PTPRD: variants seen among roughly 807,000 people sequenced by gnomAD.
The protein encoded by PTPRD is protein tyrosine phosphatase receptor type D.
Under a neutral mutation model 214.5 loss-of-function variants are expected in PTPRD, and 34 were observed. The ratio of observed to expected loss-of-function variants is 0.16; its 90% CI spans 0.12 to 0.21. The LOEUF is 0.21. PTPRD is among the 10% of genes least tolerant of loss of function. PTPRD has a pLI of 1.00. For synonymous variants in PTPRD, 1,128 were observed against 845.7 expected, an observed-to-expected ratio of 1.33 and a Z score of -5.79; for missense variants, 2,545 against 2,398.7, an observed-to-expected ratio of 1.06 and a Z score of -1.27.
chr9:9,694,523 AC>A (rs1158813500), intron 7 of PTPRD, among the ~76,000 whole-genome samples: 2 of 152,064 alleles, frequency 1.3e-5, no homozygotes, highest in Non-Finnish European at 2.9e-5. Flanking sequence ...CCAGCAGAGT[AC>A]TGGGCCTTGT....
intron 9 of PTPRD, among the ~76,000 whole-genome samples, chr9:9,373,958 G>T (rs2060162283): frequency 6.6e-6 from 1 of 151,712 alleles, no homozygotes; most frequent in Non-Finnish European, 1.5e-5. Flanking sequence ...TTCTCTTAAT[G>T]TGTCTTTTAA....
intron 14 of PTPRD, among the ~76,000 whole-genome samples, chr9:8,602,116 C>T (rs571671438): frequency 2.0e-5 from 3 of 152,192 alleles, no homozygotes; most frequent in South Asian, 4.2e-4. Context: ...CAGGAACTCC[C>T]TCTGCATATA....
At chr9:10,387,535 C>A (rs1455196494) in intron 2 of PTPRD, among the ~76,000 whole-genome samples, 1 of 151,784 alleles carries the variant, frequency 6.6e-6, no homozygotes, top group Non-Finnish European at 1.5e-5. Flanking sequence ...CTGGCCTCGC[C>A]TTTCCTCCCT....
At chr9:9,091,107 G>A in intron 10 of PTPRD, 1 of 1,411,714 alleles carries the variant, frequency 7.1e-7, no homozygotes, top group Non-Finnish European at 9.9e-7. Context: ...TGTATGTGAA[G>A]CTACATTACT....
intron 21 of PTPRD, among the ~76,000 whole-genome samples, chr9:8,514,574 G>T (rs747649051): frequency 6.8e-6 from 1 of 147,630 alleles, no homozygotes. Context: ...CTTCTGCACT[G>T]GAATAATCTA....
intron 12 of PTPRD, among the ~76,000 whole-genome samples, chr9:8,677,540 G>A (rs2154369646): frequency 6.6e-6 from 1 of 152,096 alleles, no homozygotes; most frequent in South Asian, 2.1e-4. Context: ...GGGTGAGGAG[G>A]GTGAGGATCA....
At chr9:8,872,638 C>T (rs759480969) in intron 11 of PTPRD, among the ~76,000 whole-genome samples, 2 of 152,230 alleles carry the variant, frequency 1.3e-5, no homozygotes, top group Non-Finnish European at 2.9e-5. Flanking sequence ...ATGTAGCCTA[C>T]ATTTATGTAA....
At chr9:8,475,996 G>A (rs1259569782) in intron 30 of PTPRD, among the ~76,000 whole-genome samples, 1 of 152,126 alleles carries the variant, frequency 6.6e-6, no homozygotes, top group East Asian at 1.9e-4. Context: ...TTTCTCTTAG[G>A]ATAAAGACTG....
intron 3 of PTPRD, among the ~76,000 whole-genome samples, chr9:10,237,805 A>G (rs563635748): frequency 1.3e-5 from 2 of 152,078 alleles, no homozygotes; most frequent in South Asian, 4.1e-4. Flanking sequence ...CACCATCATT[A>G]TGAGTATAGT....
rs1185965465 is a variant in PTPRD, at chr9:9,240,354, T to C, written c.-202-56991A>G. On this transcript the variant is annotated intron_variant, in intron 9 of 45. Coordinates refer to ENST00000381196, the MANE Select transcript of PTPRD (RefSeq NM_002839.4). ...TTATAAGGTATACAGAAGGTAAATA[T>C]ATTTAAGTCTGTAAACAAACATAAA... 2.0e-5 allele frequency among the ~76,000 whole-genome samples: 3 copies of C among 152,172 alleles called. No homozygotes were observed. In the East Asian group the frequency reaches 5.8e-4, roughly 29 times the overall value.
chr9:8,685,846 T>C (rs2097669675), intron 12 of PTPRD, among the ~76,000 whole-genome samples: 1 of 152,184 alleles, frequency 6.6e-6, no homozygotes. Flanking sequence ...AATAAATAAA[T>C]AAAAATAAAA....
At chr9:8,863,078 AAAG>A (rs1381578866) in intron 11 of PTPRD, among the ~76,000 whole-genome samples, 93 of 140,500 alleles carry the variant, frequency 6.6e-4, no homozygotes, top group African/African-American at 2.6e-3. Flanking sequence ...ATAATAAAAA[AAAG>A]AAATCCACAT....
intron 9 of PTPRD, among the ~76,000 whole-genome samples, chr9:9,263,818 G>A (rs1259615754): frequency 2.0e-5 from 3 of 151,674 alleles, no homozygotes; most frequent in African/African-American, 7.3e-5. Flanking sequence ...AGGGTGGGAG[G>A]TGGATGTGGG....
At chr9:8,502,408 T>C (rs1370836001) in intron 23 of PTPRD, among the ~76,000 whole-genome samples, 1 of 152,084 alleles carries the variant, frequency 6.6e-6, no homozygotes, top group East Asian at 1.9e-4. Context: ...GCCAGGTGTA[T>C]CCAATTGTTC....
At position 8,528,671 on chromosome 9, in the gene PTPRD, T is replaced by A. The variant is rs2139466221; in HGVS notation, c.461A>T (p.Asp154Val). Residue 154 changes from aspartate to valine, a missense_variant, in exon 15 of 46, where the codon GAT (aspartate) becomes GTT (valine). By Grantham distance (152) the Asp-to-Val change is radical (BLOSUM62 -3). Coordinates refer to ENST00000381196, the MANE Select transcript of PTPRD (RefSeq NM_002839.4). ...TMLCAASGNP[D>V]PEITWFKDFL... ...ATCTTTAAACCAAGTGATTTCTGGA[T>A]CCGGATTACCACTGGCTGCACAAAG... 6.2e-7 allele frequency: 1 copy of A among 1,613,776 alleles called. No individual in the cohort carries two copies. The highest frequency in any genetic ancestry group is 8.5e-7 in the Non-Finnish European group (1 of 1,179,776).
At chr9:10,461,527 G>C (rs1379230341) in intron 2 of PTPRD, among the ~76,000 whole-genome samples, 2 of 151,596 alleles carry the variant, frequency 1.3e-5, no homozygotes, top group Admixed American at 1.3e-4. Context: ...CCTGTCACTT[G>C]TCACAATATG....
At chr9:8,662,551 A>T (rs2097084260) in intron 12 of PTPRD, among the ~76,000 whole-genome samples, 1 of 152,138 alleles carries the variant, frequency 6.6e-6, no homozygotes, top group Non-Finnish European at 1.5e-5. Flanking sequence ...CCTAGGAAAA[A>T]TGGAAATTTT....
intron 5 of PTPRD, among the ~76,000 whole-genome samples, chr9:9,812,839 C>G (rs950961808): frequency 2.6e-5 from 4 of 152,022 alleles, no homozygotes; most frequent in African/African-American, 7.2e-5. Flanking sequence ...ACATTCTTCT[C>G]AAGTGTACGC....
chr9:10,122,282 T>C (rs2098782266), intron 3 of PTPRD, among the ~76,000 whole-genome samples: 1 of 152,206 alleles, frequency 6.6e-6, no homozygotes, highest in African/African-American at 2.4e-5. Context: ...CACTCCAGCC[T>C]TGGCAATGGA....
Sources: allele counts gnomAD v4.1 joint callset (sites outside exome capture counted in the v4.1 genomes callset), GRCh38; gene constraint gnomAD v4.1.1; transcripts MANE v1.5; gene names NCBI Gene and HGNC (gene_info 2026-07-23, HGNC 2026-07-21).